The following TNPO2 variants were observed in gnomAD, a reference collection of about 807,000 sequenced individuals.
TNPO2 encodes transportin 2.
A neutral mutation model predicts 111.1 loss-of-function variants in TNPO2; 16 were observed. The observed-to-expected ratio is 0.14, with a 90% CI of 0.10 to 0.22. The LOEUF (loss-of-function observed/expected upper bound fraction) is 0.22, where lower values mean the gene tolerates loss of function less well. Ranked by LOEUF, TNPO2 falls within the 10% of genes least tolerant of loss-of-function variation. TNPO2 has a pLI of 1.00. For missense variants in TNPO2, 530 were observed against 1,173.7 expected (o/e 0.45, Z 8.01); for synonymous variants, 481 against 475.8 (o/e 1.01, Z -0.14).
chr19:12,700,959 C>T lies in TNPO2; in HGVS notation c.*305G>A, dbSNP rs1369412226. The T allele has an allele frequency of 4.7e-6, 1 of 214,680 alleles. No individual in the cohort carries two copies. Among genetic ancestry groups the T allele is most frequent in the East Asian group, 1.2e-4 (1 of 8,572 alleles). The allele number at this position is 214,680 out of a possible 1,614,324, so 13.3% of individuals were successfully genotyped here. The stretch of plus-strand genomic sequence containing the variant: ...GGTCAGCTGTGTAATTCCTCCCTCC[C>T]ACGTAGCTGGCCCAAGTGGGCTGCC... On this transcript the variant is annotated 3_prime_UTR_variant, in exon 26 of 26. Transcript: ENST00000425528.
rs965508424 is a variant in TNPO2 at position 12,710,374 on chromosome 19, G to A, written c.1270+247C>T. Among the ~76,000 whole-genome samples, 3 of 152,184 alleles carry A rather than the reference G, an allele frequency of 2.0e-5. No individual in the cohort carries two copies. In the South Asian group the frequency reaches 6.2e-4, roughly 31 times the overall value. ...AGCTGTGCCTGCTGTTATTATCATT[G>A]TTGCTGTAATTATGCTTACAACATG... On this transcript the variant is annotated intron_variant, in intron 13 of 25. Coordinates refer to ENST00000425528, the MANE Select transcript of TNPO2 (RefSeq NM_001382241.1).
Position 12,713,516 on chromosome 19 carries a change from T to TAAAC in TNPO2, c.890+1301_890+1304dup, listed in dbSNP as rs142166160. 1.1e-3 allele frequency among the ~76,000 whole-genome samples: 155 copies of TAAAC among 145,564 alleles called. 1 individual carries two copies. Among genetic ancestry groups the TAAAC allele is most frequent in the East Asian group, 4.5e-3 (23 of 5,142 alleles). On this transcript the variant is annotated intron_variant, in intron 10 of 25. Transcript: ENST00000425528. ...ATAAATAAATAAATAAATAAATAAA[T>TAAAC]AAACATACAATATGCTGGGCGTGGT...
chr19:12,711,101 A>T, intron 12 of TNPO2, 195 bp downstream of exon 12: 1 of 690,340 alleles, frequency 1.4e-6, no homozygotes, highest in Admixed American at 3.0e-5. Flanking sequence ...TCACTGTGTT[A>T]GCCAGGATGG....
Position 12,719,224 on chromosome 19 carries a change from A to G in TNPO2, c.175+37T>C, listed in dbSNP as rs1476942624. The G allele has an allele frequency of 1.9e-6, 3 of 1,613,780 alleles. No individual in the cohort carries two copies. The African/African-American group carries it at 4.0e-5, about 22-fold the overall frequency. The stretch of plus-strand genomic sequence containing the variant: ...GTTCAGGGGCCCAGGGGGAGAAAGC[A>G]GGGTCCCGATCGCATGGAAGGGAGC... On this transcript the variant is annotated intron_variant, in intron 4 of 25. Transcript: ENST00000425528. The surrounding 1 kb of genome is among the most constrained non-coding windows in gnomAD (Gnocchi z 5.0).
Position 12,705,994 on chromosome 19 carries a change from G to A in TNPO2, c.1668+202C>T, listed in dbSNP as rs531572386. Reference sequence around the variant, plus strand: ...CCTGGGTTACCACCTCCTGGTTCCCGAAGCACAGCACTTACCACGCTGTCT... The same window carrying A: ...CCTGGGTTACCACCTCCTGGTTCCCAAAGCACAGCACTTACCACGCTGTCT... On this transcript the variant is annotated intron_variant, in intron 15 of 25. Coordinates refer to ENST00000425528, the MANE Select transcript of TNPO2 (RefSeq NM_001382241.1). This position sits in a 1 kb window ranked among gnomAD's most constrained non-coding sequence, Gnocchi z 7.2. The A allele has an allele frequency of 5.8e-5, 25 of 432,958 alleles. No individual in the cohort carries two copies. In the East Asian group the frequency reaches 5.8e-4, roughly 10 times the overall value. The allele number at this position is 432,958 out of a possible 1,614,324, so 26.8% of individuals were successfully genotyped here.
Position 12,710,779 on chromosome 19 carries a change from G to A in TNPO2, c.1118-6C>T. 6.2e-7 allele frequency: 1 copy of A among 1,605,088 alleles called. No individual in the cohort carries two copies. The highest frequency in any genetic ancestry group is 8.5e-7 in the Non-Finnish European group (1 of 1,175,574). On this transcript the variant is annotated splice_polypyrimidine_tract_variant and splice_region_variant and intron_variant, in intron 12 of 25. Transcript: ENST00000425528. ...TGCAGCCGCTGAGCACTTCCCTGGG[G>A]AAGGGGGAACAATGGGGAGGCTCAG...
rs370860472 is a variant in TNPO2, at chr19:12,719,015, G to A, written c.325+14C>T. ...AGTGTGTCCTCAGAGGCCAACCCCC[G>A]CTGCCCCTCTCACCAATGGTGGCTC... is the stretch of plus-strand genomic sequence containing the variant. On this transcript the variant is annotated intron_variant, in intron 5 of 25. Transcript: ENST00000425528. The surrounding 1 kb of genome is among the most constrained non-coding windows in gnomAD (Gnocchi z 5.0). The A allele has an allele frequency of 3.0e-5, 49 of 1,612,506 alleles. No individual in the cohort carries two copies. In the African/African-American group the frequency reaches 4.8e-4, roughly 16 times the overall value.
intron 5 of TNPO2, among the ~76,000 whole-genome samples, chr19:12,717,133 G>C (rs1345736838): frequency 1.3e-5 from 2 of 151,930 alleles, no homozygotes; most frequent in Admixed American, 6.6e-5. Flanking sequence ...TCCCTGCAAT[G>C]GGTAGGTACA....
chr19:12,716,899 C>T (rs1158061148), intron 5 of TNPO2, among the ~76,000 whole-genome samples: 1 of 151,960 alleles, frequency 6.6e-6, no homozygotes, highest in African/African-American at 2.4e-5. Flanking sequence ...TAAGGACAGG[C>T]ATGATGAGAG....
rs2025192096 is a variant in TNPO2 at position 12,699,779 on chromosome 19, G to C, written c.*1485C>G. On this transcript the variant is annotated 3_prime_UTR_variant, in exon 26 of 26. Coordinates refer to ENST00000425528, the MANE Select transcript of TNPO2 (RefSeq NM_001382241.1). The stretch of plus-strand genomic sequence containing the variant: ...GAGTGCCCCTTGGAATAGATGCAGG[G>C]CCTGACCCTGACTATGGAAAGACAC... 1 of 152,348 alleles carries C rather than the reference G, an allele frequency of 6.6e-6. No individual in the cohort carries two copies. Among genetic ancestry groups the C allele is most frequent in the African/African-American group, 2.4e-5 (1 of 41,330 alleles). 9.4% of individuals were successfully genotyped at this position (152,348 alleles called of 1,614,324 possible). A position where few individuals can be genotyped will look rare whatever the true frequency, so the allele number is the denominator to read the frequency against.
At chr19:12,713,218 G>A (rs1228807781) in intron 10 of TNPO2, among the ~76,000 whole-genome samples, 1 of 152,128 alleles carries the variant, frequency 6.6e-6, no homozygotes, top group Non-Finnish European at 1.5e-5. Flanking sequence ...GCCAGAGTAG[G>A]GGAGCAAACA....
intron 13 of TNPO2, among the ~76,000 whole-genome samples, chr19:12,707,837 T>C (rs2025789163): frequency 1.3e-5 from 2 of 151,970 alleles, no homozygotes. Context: ...TATTATTTTT[T>C]TGAGACGGAG....
rs756885356 is a variant in TNPO2, at chr19:12,705,929, C to T, written c.1669-161G>A. ...GACCTCGAGGCCTTCATTCTTCTCA[C>T]CTGTCCAAGCACCGCCCGCCCCACC... On this transcript the variant is annotated intron_variant, in intron 15 of 25. Transcript: ENST00000425528. This position sits in a 1 kb window ranked among gnomAD's most constrained non-coding sequence, Gnocchi z 7.2. 2.9e-6 allele frequency: 2 copies of T among 695,386 alleles called. No homozygotes were observed. The highest frequency in any genetic ancestry group is 2.0e-5 in the South Asian group (1 of 51,242). The allele number at this position is 695,386 out of a possible 1,614,324, so 43.1% of individuals were successfully genotyped here.
chr19:12,701,772 T>A lies in TNPO2; in HGVS notation c.2491A>T (p.Asn831Tyr). ...CCAACCTGCACAACGCCCCCCGGGT[T>A]GACACCGATCATCATGCAGATGCCG... is the stretch of plus-strand genomic sequence containing the variant. ...FRGICMMIGVNPGGVVQDFIF... is the reference protein window; with the variant it reads ...FRGICMMIGVYPGGVVQDFIF... Residue 831 changes from asparagine to tyrosine, a missense_variant, in exon 23 of 26, where the codon AAC becomes TAC. Physicochemically the swap from Asn to Tyr is moderately radical, Grantham distance 143. Around this residue, in one of 4 missense-constraint regions of TNPO2, gnomAD observed 103 missense variants for 156.7 expected, o/e 0.66. Transcript: ENST00000425528. The surrounding 1 kb of genome is among the most constrained non-coding windows in gnomAD (Gnocchi z 5.0). 6.2e-7 allele frequency: 1 copy of A among 1,613,852 alleles called. No homozygotes were observed. The highest frequency in any genetic ancestry group is 8.5e-7 in the Non-Finnish European group (1 of 1,179,842).
intron 18 of TNPO2, among the ~76,000 whole-genome samples, chr19:12,704,069 G>GT (rs2025483950): frequency 6.6e-6 from 1 of 152,164 alleles, no homozygotes; most frequent in African/African-American, 2.4e-5. Context: ...TTGATATAAA[G>GT]TGGCACAGTG....
At position 12,702,061 on chromosome 19, in the gene TNPO2, T is replaced by G; in HGVS notation, c.2411+11A>C. 1 of 1,612,630 alleles carries G rather than the reference T, an allele frequency of 6.2e-7. No homozygotes were observed. Among genetic ancestry groups the G allele is most frequent in the Non-Finnish European group, 8.5e-7 (1 of 1,179,114 alleles). On this transcript the variant is annotated intron_variant, in intron 22 of 25. Coordinates refer to ENST00000425528, the MANE Select transcript of TNPO2 (RefSeq NM_001382241.1). This position sits in a 1 kb window ranked among gnomAD's most constrained non-coding sequence, Gnocchi z 5.5. Reference sequence around the variant, plus strand: ...CCCACCACACAGCAGGCTTGACACGTGGACACACACCAAGGCCGGATGAAC... The same window carrying G: ...CCCACCACACAGCAGGCTTGACACGGGGACACACACCAAGGCCGGATGAAC...
chr19:12,701,001 G>C lies in TNPO2; in HGVS notation c.*263C>G. The C allele has an allele frequency of 3.7e-6, 1 of 267,720 alleles. No individual in the cohort carries two copies. Among genetic ancestry groups the C allele is most frequent in the Non-Finnish European group, 7.2e-6 (1 of 139,290 alleles). 16.6% of individuals were successfully genotyped at this position (267,720 alleles called of 1,614,324 possible). On this transcript the variant is annotated 3_prime_UTR_variant, in exon 26 of 26. Coordinates refer to ENST00000425528, the MANE Select transcript of TNPO2 (RefSeq NM_001382241.1). The surrounding 1 kb of genome is among the most constrained non-coding windows in gnomAD (Gnocchi z 5.0). ...TGGGCTGCCAGAGATGACCCTATTA[G>C]AGCCCAGGGGCCCTTGCCCACCAGA...
intron 2 of TNPO2, chr19:12,722,575 A>G (rs1352423616): frequency 6.7e-6 from 1 of 150,300 alleles, no homozygotes; most frequent in African/African-American, 2.5e-5. Context: ...AAAAAAAAAA[A>G]AAAAAAAAAA....
At position 12,703,412 on chromosome 19, in the gene TNPO2, C is replaced by G. The variant is rs1452481684; in HGVS notation, c.2209+16G>C. 1.9e-6 allele frequency: 3 copies of G among 1,612,276 alleles called. No individual in the cohort carries two copies. Among genetic ancestry groups the G allele is most frequent in the African/African-American group, 2.7e-5 (2 of 74,976 alleles). ...GGCTAATGGGGGGCGCGTGTTGCCA[C>G]TTGCAGGGCACTCACCCATCTGCAT... On this transcript the variant is annotated intron_variant, in intron 20 of 25. Transcript: ENST00000425528.
Sources: gnomAD v4.1 joint callset for allele counts (sites outside exome capture counted in the v4.1 genomes callset) on GRCh38, gnomAD v4.1.1 for gene constraint, gnomAD v4.1.1 regional missense constraint, Gnocchi (gnomAD v3.1) non-coding constraint, MANE v1.5 for transcripts, NCBI Gene and HGNC (gene_info 2026-07-23, HGNC 2026-07-21) for gene names.